Variants in KRT71 observed in about 807,000 individuals in gnomAD.
KRT71 encodes keratin 71.
KRT71 carries 42 observed loss-of-function variants against 46.2 expected under a neutral mutation model. The ratio of observed to expected loss-of-function variants is 0.91; its 90% CI spans 0.71 to 1.18. The LOEUF is 1.18. KRT71 is among the 50% of genes most tolerant of loss of function. The pLI, the probability that KRT71 is intolerant of heterozygous loss-of-function variation, is 0.00. For synonymous variants in KRT71, 292 were observed against 277.8 expected, an observed-to-expected ratio of 1.05 and a Z score of -0.51; for missense variants, 708 against 677.9, an observed-to-expected ratio of 1.04 and a Z score of -0.49.
chr12:52,548,070 C>G, intron 5 of KRT71, 82 bp downstream of exon 5: 1 of 1,600,062 alleles, frequency 6.2e-7, no homozygotes, highest in Non-Finnish European at 8.5e-7. Flanking sequence ...TACTGGGACA[C>G]TGCTTCTATT....
Position 52,546,276 on chromosome 12 carries a change from C to A in KRT71, c.1325+10G>T. ...CCTGGGGCCCTCCTGTCTGGGCACGCCCCGCCCACCTGCACTCCTCGCTCT... is the reference window on the plus strand; with the variant it reads ...CCTGGGGCCCTCCTGTCTGGGCACGACCCGCCCACCTGCACTCCTCGCTCT... On this transcript the variant is annotated intron_variant, in intron 7 of 8. Coordinates refer to ENST00000267119, the MANE Select transcript of KRT71 (RefSeq NM_033448.3). The A allele has an allele frequency of 6.2e-7, 1 of 1,613,752 alleles. No individual in the cohort carries two copies. Among genetic ancestry groups the A allele is most frequent in the Non-Finnish European group, 8.5e-7 (1 of 1,179,742 alleles).
chr12:52,546,555 CCATCCA>C, intron 6 of KRT71, 49 bp from the exon 7 acceptor site: 1 of 1,562,262 alleles, frequency 6.4e-7, no homozygotes, highest in Non-Finnish European at 8.7e-7. Flanking sequence ...GCCACTGCAA[CCATCCA>C]CATCCAATCC....
At chr12:52,547,816 C>G in intron 6 of KRT71, 41 bp downstream of exon 6, 1 of 1,608,820 alleles carries the variant, frequency 6.2e-7, no homozygotes, top group Non-Finnish European at 8.5e-7. Context: ...TACTCATGCT[C>G]CCCTGCACTT....
rs554146299 is a variant in KRT71 at position 52,552,686 on chromosome 12, C to T, written c.392G>A (p.Arg131Gln). Residue 131 changes from arginine (R) to glutamine (Q), a missense_variant, in exon 1 of 9, where the codon CGA becomes CAA. Arg to Gln is a conservative substitution (Grantham distance 43). Coordinates refer to ENST00000267119, the MANE Select transcript of KRT71 (RefSeq NM_033448.3). Reference protein sequence around the residue: ...PEIQKVRAQEREQIKALNNKF... With the variant: ...PEIQKVRAQEQEQIKALNNKF... ...GTTGTTCAGAGCCTTGATCTGCTCT[C>T]GCTCCTGGGCACGCACTTTCTGGAT... 1.1e-5 allele frequency: 17 copies of T among 1,613,776 alleles called. No homozygotes were observed. Among genetic ancestry groups the T allele is most frequent in the Admixed American group, 1.0e-4 (6 of 60,002 alleles).
At position 52,547,885 on chromosome 12, in the gene KRT71, C is replaced by T. The variant is rs1056536003; in HGVS notation, c.1076G>A (p.Arg359His). The change falls in exon 6 of 9, where the codon CGC becomes CAC. Residue 359 changes from arginine to histidine, a missense_variant. Arg to His is a conservative substitution (Grantham distance 29, BLOSUM62 0). Transcript: ENST00000267119. ...SELTRLIQRI[R>H]SEIENVKKQA... Reference sequence around the variant, plus strand: ...CTTCTTCACGTTCTCGATCTCTGAGCGGATTCTCTGGATGAGCCGAGTGAG... The same window carrying T: ...CTTCTTCACGTTCTCGATCTCTGAGTGGATTCTCTGGATGAGCCGAGTGAG... 13 of 1,614,018 alleles carry T rather than the reference C, an allele frequency of 8.1e-6. No individual in the cohort carries two copies. Among genetic ancestry groups the T allele is most frequent in the Admixed American group, 6.7e-5 (4 of 60,002 alleles).
intron 2 of KRT71, 60 bp from the exon 3 acceptor site, chr12:52,549,413 G>A (rs1939121904): frequency 3.6e-6 from 5 of 1,397,322 alleles, no homozygotes; most frequent in Non-Finnish European, 5.1e-6. Flanking sequence ...GCTTTCACAG[G>A]GCAGCGTTGA....
rs1343569270 is a variant in KRT71 at position 52,545,798 on chromosome 12, C to A, written c.1326-199G>T. ...AATCTTTGGGGTAACCAGACAACAA[C>A]CCTAGTCAAACAATAGTTTACAAAA... On this transcript the variant is annotated intron_variant, in intron 7 of 8. Transcript: ENST00000267119. Among the ~76,000 whole-genome samples the A allele has an allele frequency of 2.0e-5, 3 of 152,126 alleles. No individual in the cohort carries two copies. The East Asian group carries it at 5.8e-4, about 29-fold the overall frequency.
At chr12:52,549,807 CT>C (rs1287094263) in intron 2 of KRT71, among the ~76,000 whole-genome samples, 2 of 152,206 alleles carry the variant, frequency 1.3e-5, no homozygotes, top group Non-Finnish European at 2.9e-5. Context: ...AGATAACCCT[CT>C]GCCCACTGCC....
In KRT71 at chr12:52,546,332, T is replaced by C. The variant is rs756767843; in HGVS notation, c.1279A>G (p.Met427Val). The C allele has an allele frequency of 1.2e-5, 20 of 1,614,176 alleles. No homozygotes were observed. Among genetic ancestry groups the C allele is most frequent in the Admixed American group, 5.0e-5 (3 of 60,036 alleles). The change falls in exon 7 of 9, where the codon ATG becomes GTG. Residue 427 changes from methionine to valine, a missense_variant. Transcript: ENST00000267119. ...ELMSLKLALD[M>V]EIATYRKLLE... is the part of the protein sequence containing the mutation. The stretch of plus-strand genomic sequence containing the variant: ...AGCTTGCGATAGGTGGCGATCTCCA[T>C]GTCCAGGGCCAGCTTCAGGCTCATG...
chr12:52,548,457 T>C (rs1939098597), intron 4 of KRT71, 141 bp from the exon 5 acceptor site: 1 of 1,022,068 alleles, frequency 9.8e-7, no homozygotes, highest in Admixed American at 2.7e-5. Context: ...CTGTGTGCTT[T>C]GCGGCAAAGC....
At chr12:52,552,478 C>A (rs371335035) in intron 1 of KRT71, among the ~76,000 whole-genome samples, 159 bp downstream of exon 1, 5 of 152,210 alleles carry the variant, frequency 3.3e-5, no homozygotes, top group South Asian at 2.1e-4. Context: ...ACACAGAGAA[C>A]CTTACACAGG....
Position 52,552,734 on chromosome 12 carries a change from A to T in KRT71, c.344T>A (p.Leu115His), listed in dbSNP as rs1026737457. 7 of 1,613,902 alleles carry T rather than the reference A, an allele frequency of 4.3e-6. No individual in the cohort carries two copies. Among genetic ancestry groups the T allele is most frequent in the Middle Eastern group, 1.6e-4 (1 of 6,084 alleles). Residue 115 changes from leucine to histidine, a missense_variant, in exon 1 of 9, where the codon CTC becomes CAC. Leu to His is a moderately conservative substitution (Grantham distance 99). Coordinates refer to ENST00000267119, the MANE Select transcript of KRT71 (RefSeq NM_033448.3). The stretch of plus-strand genomic sequence containing the variant: ...GATCTCGGGGTCCAGCTCCACGTTG[A>T]GGGGGGCCAGGAGGCTCTCATTGAC... The part of the protein sequence containing the change: ...VTVNESLLAP[L>H]NVELDPEIQK...
chr12:52,552,511 C>T (rs758770759), intron 1 of KRT71, 126 bp downstream of exon 1: 97 of 976,600 alleles, frequency 9.9e-5, no homozygotes, highest in Non-Finnish European at 1.3e-4. Flanking sequence ...TGGGATGTAC[C>T]TACCTTGTCC....
intron 3 of KRT71, 36 bp downstream of exon 3, chr12:52,549,257 C>A (rs763206044): frequency 2.6e-6 from 4 of 1,557,454 alleles, no homozygotes; most frequent in Non-Finnish European, 2.7e-6. Context: ...AGGTCCCAGG[C>A]CAGCCCCCGG....
At chr12:52,548,892 T>G in intron 3 of KRT71, 96 bp from the exon 4 acceptor site, 1 of 1,037,688 alleles carries the variant, frequency 9.6e-7, no homozygotes. Context: ...AAGGAGTCAC[T>G]CTCTTCTCTT....
In KRT71 at chr12:52,548,401, T is replaced by C. The variant is rs369974333; in HGVS notation, c.814-85A>G. 25 of 1,465,028 alleles carry C rather than the reference T, an allele frequency of 1.7e-5. No homozygotes were observed. In the African/African-American group the frequency reaches 2.5e-4, roughly 15 times the overall value. The allele number at this position is 1,465,028 out of a possible 1,614,324, so 90.8% of individuals were successfully genotyped here. On this transcript the variant is annotated intron_variant, in intron 4 of 8. Transcript: ENST00000267119. ...CCCAAACAAGATGAGCAAATTCTGG[T>C]GATGCCATCTTGGAGGCTGGAACCC... is the stretch of plus-strand genomic sequence containing the variant.
chr12:52,549,929 C>T, intron 2 of KRT71, 100 bp downstream of exon 2: 1 of 1,372,482 alleles, frequency 7.3e-7, no homozygotes, highest in Non-Finnish European at 1.0e-6. Flanking sequence ...GAACAATGCC[C>T]TCCACTGACC....
At chr12:52,548,425 C>T (rs572209232) in intron 4 of KRT71, 109 bp from the exon 5 acceptor site, 2 of 1,292,630 alleles carry the variant, frequency 1.5e-6, no homozygotes, top group East Asian at 2.3e-5. Context: ...AGGCTGGAAC[C>T]CAAGGCTGCT....
rs781550074 is a variant in KRT71 at position 52,552,918 on chromosome 12, C to A, written c.160G>T (p.Val54Phe). 22 of 1,614,068 alleles carry A rather than the reference C, an allele frequency of 1.4e-5. No individual in the cohort carries two copies. In the African/African-American group the frequency reaches 2.4e-4, roughly 18 times the overall value. Reference protein sequence around the residue: ...GSRSLYSLGGVRSLNVASGSG... With the variant: ...GSRSLYSLGGFRSLNVASGSG... ...CCACTGGCCACATTGAGGCTCCGGA[C>A]ACCCCCCAGGCTGTAGAGGCTCCGG... is the stretch of plus-strand genomic sequence containing the variant. The change falls in exon 1 of 9, where the codon GTC becomes TTC. Residue 54 changes from valine (V) to phenylalanine (F), a missense_variant. Coordinates refer to ENST00000267119, the MANE Select transcript of KRT71 (RefSeq NM_033448.3).
Sources: gnomAD v4.1 joint callset for allele counts (sites outside exome capture counted in the v4.1 genomes callset) on GRCh38, gnomAD v4.1.1 for gene constraint, MANE v1.5 for transcripts, NCBI Gene and HGNC (gene_info 2026-07-23, HGNC 2026-07-21) for gene names.